FEZ1: variants seen among roughly 807,000 people sequenced by gnomAD.
FEZ1 encodes fasciculation and elongation protein zeta-1.
FEZ1 carries 20 observed loss-of-function variants against 49.3 expected under a neutral mutation model. That is an observed-to-expected ratio of 0.41 (90% confidence interval 0.29 to 0.59). The LOEUF (loss-of-function observed/expected upper bound fraction) is 0.59. FEZ1 is among the 20% of genes least tolerant of loss of function. The pLI is 0.36. For synonymous variants in FEZ1, 170 were observed against 180.9 expected (o/e 0.94, Z 0.48); for missense variants, 413 against 476.0 (o/e 0.87, Z 1.23).
In FEZ1 at chr11:125,489,794, A is replaced by G. The variant is rs778416934; in HGVS notation, c.-17T>C. The G allele has an allele frequency of 1.8e-5, 27 of 1,520,476 alleles. No homozygotes were observed. Among genetic ancestry groups the G allele is most frequent in the Non-Finnish European group, 2.4e-5 (27 of 1,136,696 alleles). The allele number at this position is 1,520,476 out of a possible 1,614,324, so 94.2% of individuals were successfully genotyped here. On this transcript the variant is annotated 5_prime_UTR_variant, in exon 2 of 10. Coordinates refer to ENST00000278919, the MANE Select transcript of FEZ1 (RefSeq NM_005103.5). The surrounding 1 kb of genome is among the most constrained non-coding windows in gnomAD (Gnocchi z 4.2). Reference sequence around the variant, plus strand: ...GGCCTCCATTCTTGCTCAGCAGGAGAACAACAGCGACTTTCAGGATGAGTT... The same window carrying G: ...GGCCTCCATTCTTGCTCAGCAGGAGGACAACAGCGACTTTCAGGATGAGTT...
intron 5 of FEZ1, among the ~76,000 whole-genome samples, chr11:125,457,491 T>TACAC (rs1565533658): frequency 3.8e-5 from 1 of 26,412 alleles, no homozygotes; most frequent in African/African-American, 1.5e-4. Context: ...CACATATATG[T>TACAC]GTATATATGT....
chr11:125,447,821 CAAAAAAAA>C (rs538049568), intron 9 of FEZ1, among the ~76,000 whole-genome samples: 5 of 73,520 alleles, frequency 6.8e-5, no homozygotes, highest in Non-Finnish European at 1.4e-4. Context: ...GATTCCATCT[CAAAAAAAA>C]AAAAAAAGAA....
Position 125,443,609 on chromosome 11 carries a change from A to T in FEZ1, c.*2486T>A, listed in dbSNP as rs1366100689. Among the ~76,000 whole-genome samples the T allele has an allele frequency of 6.6e-6, 1 of 152,208 alleles. No homozygotes were observed. The highest frequency in any genetic ancestry group is 1.9e-4 in the East Asian group (1 of 5,196). ...CTTAGTAGGCCTGATGTGGGGCCTG[A>T]GATTTTGCATTTCTAACAAGCTTCT... On this transcript the variant is annotated 3_prime_UTR_variant, in exon 10 of 10. Transcript: ENST00000278919.
chr11:125,467,192 C>T (rs1471565880), intron 3 of FEZ1, among the ~76,000 whole-genome samples: 1 of 151,988 alleles, frequency 6.6e-6, no homozygotes, highest in Non-Finnish European at 1.5e-5. Context: ...TGCCACCACA[C>T]CTGACTAAGA....
At position 125,489,616 on chromosome 11, in the gene FEZ1, G is replaced by T; in HGVS notation, c.162C>A (p.Ile54=). ...SELENFSSEI[I]SFKSMEDLVN... is the part of the protein sequence containing the mutation. The stretch of plus-strand genomic sequence containing the variant: ...CGAGGTCCTCCATGGACTTGAAGCT[G>T]ATTATTTCGGAAGAAAAATTCTCAA... Residue 54 remains isoleucine (I), a synonymous_variant, in exon 2 of 10, where the codon ATC becomes ATA. Coordinates refer to ENST00000278919, the MANE Select transcript of FEZ1 (RefSeq NM_005103.5). The surrounding 1 kb of genome is among the most constrained non-coding windows in gnomAD (Gnocchi z 4.2). The T allele has an allele frequency of 6.2e-7, 1 of 1,614,146 alleles. No individual in the cohort carries two copies. The highest frequency in any genetic ancestry group is 8.5e-7 in the Non-Finnish European group (1 of 1,180,026).
chr11:125,457,514 A>C (rs1413589562), intron 5 of FEZ1, among the ~76,000 whole-genome samples: 1 of 141,310 alleles, frequency 7.1e-6, no homozygotes, highest in Non-Finnish European at 1.5e-5. Context: ...ATATATACAC[A>C]TATATATAAT....
At position 125,489,381 on chromosome 11, in the gene FEZ1, T is replaced by C. The variant is rs182818297; in HGVS notation, c.311+86A>G. ...AAATGAAAGTAATAGCCCATAAACCTATAGACAGAAACCAGCACTATGTCA... is the reference window on the plus strand; with the variant it reads ...AAATGAAAGTAATAGCCCATAAACCCATAGACAGAAACCAGCACTATGTCA... On this transcript the variant is annotated intron_variant, in intron 2 of 9. Coordinates refer to ENST00000278919, the MANE Select transcript of FEZ1 (RefSeq NM_005103.5). The surrounding 1 kb of genome is among the most constrained non-coding windows in gnomAD (Gnocchi z 4.2). 7.2e-6 allele frequency: 11 copies of C among 1,521,834 alleles called. No homozygotes were observed. The East Asian group carries it at 2.5e-4, about 34-fold the overall frequency. The allele number at this position is 1,521,834 out of a possible 1,614,324, so 94.3% of individuals were successfully genotyped here. A position where few individuals can be genotyped will look rare whatever the true frequency, so the allele number is the denominator to read the frequency against.
chr11:125,455,863 A>G lies in FEZ1; in HGVS notation c.911T>C (p.Ile304Thr), dbSNP rs200391395. Residue 304 changes from isoleucine to threonine, a missense_variant, in exon 6 of 10, where the codon ATA (isoleucine) becomes ACA (threonine). Coordinates refer to ENST00000278919, the MANE Select transcript of FEZ1 (RefSeq NM_005103.5). ...EKGLSLQSSRIEKGNQMPLKR... is the reference protein window; with the variant it reads ...EKGLSLQSSRTEKGNQMPLKR... ...GAGAGGCATCTGGTTTCCCTTCTCT[A>G]TCCGGCTGCTCTGCAGGCTCAGCCC... 18 of 1,613,836 alleles carry G rather than the reference A, an allele frequency of 1.1e-5. No individual in the cohort carries two copies. The highest frequency in any genetic ancestry group is 1.7e-5 in the Admixed American group (1 of 59,980).
intron 4 of FEZ1, among the ~76,000 whole-genome samples, chr11:125,462,101 C>G (rs988436521): frequency 6.6e-6 from 1 of 152,210 alleles, no homozygotes; most frequent in African/African-American, 2.4e-5. Context: ...CTAATCCTCA[C>G]GTGTTTCAAT....
At chr11:125,491,867 A>G (rs1222416063) in intron 1 of FEZ1, among the ~76,000 whole-genome samples, 1 of 152,208 alleles carries the variant, frequency 6.6e-6, no homozygotes, top group Non-Finnish European at 1.5e-5. Context: ...GTAGTACCAT[A>G]TCTTGGAAAG....
Position 125,463,585 on chromosome 11 carries a change from G to A in FEZ1, c.412-15C>T, listed in dbSNP as rs1957095468. Reference sequence around the variant, plus strand: ...TTCTCATGGATCTGGAGAGGAGGTGGGGAGATGGAATTCTGGGTGACCATC... The same window carrying A: ...TTCTCATGGATCTGGAGAGGAGGTGAGGAGATGGAATTCTGGGTGACCATC... On this transcript the variant is annotated splice_polypyrimidine_tract_variant and intron_variant, in intron 3 of 9. Coordinates refer to ENST00000278919, the MANE Select transcript of FEZ1 (RefSeq NM_005103.5). 2.6e-6 allele frequency: 4 copies of A among 1,526,678 alleles called. No individual in the cohort carries two copies. Among genetic ancestry groups the A allele is most frequent in the Non-Finnish European group, 3.6e-6 (4 of 1,100,752 alleles). The allele number at this position is 1,526,678 out of a possible 1,614,324, so 94.6% of individuals were successfully genotyped here.
intron 2 of FEZ1, among the ~76,000 whole-genome samples, chr11:125,488,292 A>G (rs1302701729): frequency 6.6e-6 from 1 of 152,216 alleles, no homozygotes; most frequent in Non-Finnish European, 1.5e-5. Flanking sequence ...TAACTTATAA[A>G]CTGAACTTTA....
intron 2 of FEZ1, 131 bp from the exon 3 acceptor site, chr11:125,481,764 G>A: frequency 1.4e-6 from 1 of 715,608 alleles, no homozygotes; most frequent in Non-Finnish European, 2.5e-6. Flanking sequence ...CTTCCAGCAT[G>A]CAGGGGCAAA....
chr11:125,448,605 C>G (rs1008373240), intron 8 of FEZ1, 38 bp from the exon 9 acceptor site: 2 of 1,404,822 alleles, frequency 1.4e-6, no homozygotes, highest in African/African-American at 1.4e-5. Flanking sequence ...AAGATACCAT[C>G]TGGTCAGAGG....
intron 2 of FEZ1, 43 bp from the exon 3 acceptor site, chr11:125,481,676 T>C (rs1261830780): frequency 1.5e-6 from 2 of 1,342,626 alleles, no homozygotes; most frequent in Admixed American, 1.7e-5. Context: ...ATCTGTGGCC[T>C]GGCCCCGCCT....
chr11:125,469,076 A>C (rs1451346874), intron 3 of FEZ1: 1 of 152,258 alleles, frequency 6.6e-6, no homozygotes, highest in East Asian at 1.9e-4. Context: ...TCCTTCCCTG[A>C]GTAGGCTCCA....
At chr11:125,491,052 A>T (rs1461516489) in intron 1 of FEZ1, among the ~76,000 whole-genome samples, 1 of 152,098 alleles carries the variant, frequency 6.6e-6, no homozygotes, top group Admixed American at 6.5e-5. Flanking sequence ...CCGTGCCCAG[A>T]CAAGCACCCA....
intron 2 of FEZ1, among the ~76,000 whole-genome samples, chr11:125,486,314 CA>C (rs1957326312): frequency 1.3e-5 from 2 of 152,256 alleles, no homozygotes; most frequent in South Asian, 4.1e-4. Flanking sequence ...TGAGGGCCGT[CA>C]ATTTCCATTT....
intron 5 of FEZ1, among the ~76,000 whole-genome samples, chr11:125,457,429 A>AAAAAAAAAAT (rs1164500309): frequency 4.8e-5 from 1 of 20,912 alleles, no homozygotes. Flanking sequence ...AAAAAAAAAA[A>AAAAAAAAAAT]ATATATATAT....
Sources: gnomAD v4.1 joint callset for allele counts (sites outside exome capture counted in the v4.1 genomes callset) on GRCh38, gnomAD v4.1.1 for gene constraint, Gnocchi (gnomAD v3.1) non-coding constraint, MANE v1.5 for transcripts, NCBI Gene and HGNC (gene_info 2026-07-23, HGNC 2026-07-21) for gene names.